Variants in RAB11FIP3 observed in about 807,000 individuals in gnomAD.
RAB11FIP3 encodes RAB11 family interacting protein 3, also known as rab11 family-interacting protein 3.
RAB11FIP3 carries 17 observed loss-of-function variants against 77.8 expected under a neutral mutation model. The observed-to-expected ratio is 0.22, with a 90% CI of 0.15 to 0.33. The LOEUF (loss-of-function observed/expected upper bound fraction) is 0.33. RAB11FIP3 is among the 10% of genes least tolerant of loss of function. RAB11FIP3 has a pLI of 1.00. For synonymous variants in RAB11FIP3, 437 were observed against 448.2 expected, an observed-to-expected ratio of 0.98 and a Z score of 0.31; for missense variants, 1,005 against 1,011.2, an observed-to-expected ratio of 0.99 and a Z score of 0.08.
At chr16:520,428 C>G in intron 12 of RAB11FIP3, 31 bp from the exon 13 acceptor site, 1 of 1,610,408 alleles carries the variant, frequency 6.2e-7, no homozygotes. Flanking sequence ...GCAGGGGCCA[C>G]AGCCCAGTAG....
At position 507,249 on chromosome 16, in the gene RAB11FIP3, C is replaced by T. The variant is rs979957993; in HGVS notation, c.1499+1622C>T. Reference sequence around the variant, plus strand: ...GCCTCAGCCTCCTGAGTAGCTGGGACTTGCAGGCATGCACCACCACGCTGG... The same window carrying T: ...GCCTCAGCCTCCTGAGTAGCTGGGATTTGCAGGCATGCACCACCACGCTGG... On this transcript the variant is annotated intron_variant, in intron 8 of 13. Transcript: ENST00000262305. This position sits in a 1 kb window ranked among gnomAD's most constrained non-coding sequence, Gnocchi z 4.6. Among the ~76,000 whole-genome samples the T allele has an allele frequency of 6.6e-6, 1 of 152,022 alleles. No individual in the cohort carries two copies. The highest frequency in any genetic ancestry group is 3.2e-3 in the Middle Eastern group (1 of 316).
chr16:467,403 G>A (rs1268774546), intron 2 of RAB11FIP3, among the ~76,000 whole-genome samples: 1 of 147,324 alleles, frequency 6.8e-6, no homozygotes, highest in Non-Finnish European at 1.5e-5. Flanking sequence ...CGTCAGGGAG[G>A]AGGTGCAGTA....
intron 6 of RAB11FIP3, among the ~76,000 whole-genome samples, chr16:501,880 G>T (rs1567400480): frequency 6.6e-6 from 1 of 150,840 alleles, no homozygotes; most frequent in African/African-American, 2.4e-5. Context: ...CTGGGAGATG[G>T]TCCCCCCATT....
rs146302859 is a variant in RAB11FIP3, at chr16:519,636, C to T, written c.1723-118C>T. The T allele has an allele frequency of 1.1e-4, 147 of 1,372,430 alleles. 1 individual carries two copies. The African/African-American group carries it at 1.2e-3, about 11-fold the overall frequency. The allele number at this position is 1,372,430 out of a possible 1,614,324, so 85.0% of individuals were successfully genotyped here. A position where few individuals can be genotyped will look rare whatever the true frequency, so the allele number is the denominator to read the frequency against. On this transcript the variant is annotated intron_variant, in intron 10 of 13. Transcript: ENST00000262305. ...ACCCAGCCCTGTCGCGCTCCAAGCACGGGCGCCACCGCGTTGCTGTTGGGA... is the reference window on the plus strand; with the variant it reads ...ACCCAGCCCTGTCGCGCTCCAAGCATGGGCGCCACCGCGTTGCTGTTGGGA...
At chr16:479,482 C>T (rs926053392) in intron 3 of RAB11FIP3, among the ~76,000 whole-genome samples, 2 of 151,584 alleles carry the variant, frequency 1.3e-5, no homozygotes, top group Non-Finnish European at 2.9e-5. Flanking sequence ...ACTTGAGGTG[C>T]GGAGTGGATG....
At position 519,009 on chromosome 16, in the gene RAB11FIP3, T is replaced by G. The variant is rs199606652; in HGVS notation, c.1707T>G (p.Ile569Met). 1 of 1,613,420 alleles carries G rather than the reference T, an allele frequency of 6.2e-7. No individual in the cohort carries two copies. The highest frequency in any genetic ancestry group is 8.5e-7 in the Non-Finnish European group (1 of 1,180,002). ...GCACGCCCTGTCTGAAGGCCAACAT[T>G]GAGCGTCTGGAGGAGGTGAGCTGCC... The part of the protein sequence containing the change: ...RSCTPCLKAN[I>M]ERLEEEKQKL... The change falls in exon 10 of 14, where the codon ATT becomes ATG. Residue 569 changes from isoleucine to methionine, a missense_variant. Ile to Met is a conservative substitution (Grantham distance 10). Transcript: ENST00000262305.
In RAB11FIP3 at chr16:468,955, T is replaced by G. The variant is rs1441994803; in HGVS notation, c.809-2340T>G. 2.0e-5 allele frequency among the ~76,000 whole-genome samples: 3 copies of G among 152,362 alleles called. No individual in the cohort carries two copies. The Middle Eastern group carries it at 0.01, about 518-fold the overall frequency. On this transcript the variant is annotated intron_variant, in intron 2 of 13. Coordinates refer to ENST00000262305, the MANE Select transcript of RAB11FIP3 (RefSeq NM_014700.4). ...TCAGAACCTGAGCTGTCATGCGCTGTGTCCAAAATGCTTCGCTGTATATTG... is the reference window on the plus strand; with the variant it reads ...TCAGAACCTGAGCTGTCATGCGCTGGGTCCAAAATGCTTCGCTGTATATTG...
At chr16:496,917 T>C in intron 6 of RAB11FIP3, 58 bp downstream of exon 6, 2 of 1,455,680 alleles carry the variant, frequency 1.4e-6, no homozygotes, top group South Asian at 1.2e-5. Context: ...TTAATCATAG[T>C]TTTTTAAAAA....
chr16:434,530 G>A (rs1451600785), intron 1 of RAB11FIP3, among the ~76,000 whole-genome samples: 1 of 152,114 alleles, frequency 6.6e-6, no homozygotes, highest in East Asian at 1.9e-4. Flanking sequence ...AGGCTCAGGT[G>A]GTCCTCCCAT....
chr16:477,600 G>T, intron 3 of RAB11FIP3: 1 of 985,386 alleles, frequency 1.0e-6, no homozygotes, highest in Non-Finnish European at 1.2e-6. Flanking sequence ...GGCCAGCCCT[G>T]TCCTGAGTGG....
At chr16:475,693 C>T (rs1327760207) in intron 3 of RAB11FIP3, among the ~76,000 whole-genome samples, 4 of 152,158 alleles carry the variant, frequency 2.6e-5, no homozygotes, top group East Asian at 1.9e-4. Context: ...CTCTGAGTAT[C>T]GATGGCGATG....
intron 1 of RAB11FIP3, among the ~76,000 whole-genome samples, chr16:453,683 T>C (rs1368335782): frequency 6.8e-6 from 1 of 146,428 alleles, no homozygotes; most frequent in Non-Finnish European, 1.5e-5. Context: ...CTCTGCCCCC[T>C]GGGTTCAAGC....
intron 1 of RAB11FIP3, among the ~76,000 whole-genome samples, chr16:448,518 C>A (rs923968146): frequency 1.3e-5 from 2 of 151,758 alleles, no homozygotes; most frequent in African/African-American, 4.8e-5. Context: ...AGGTGGATCA[C>A]GAGGTCAGGA....
In RAB11FIP3 at chr16:520,791, C is replaced by G; in HGVS notation, c.2223C>G (p.Ile741Met). The stretch of plus-strand genomic sequence containing the variant: ...GCCTGCAGGACTACATCGACAGGAT[C>G]ATCGTGGCCATCATGGAGACCAACC... ...NFRLQDYIDRIIVAIMETNPS... is the reference protein window; with the variant it reads ...NFRLQDYIDRMIVAIMETNPS... The change falls in exon 14 of 14, where the codon ATC becomes ATG. Residue 741 changes from isoleucine to methionine, a missense_variant. By Grantham distance (10) the Ile-to-Met change is conservative. This residue lies in a region of RAB11FIP3 where 90 missense variants were observed against 129.7 expected (regional missense o/e 0.69). Transcript: ENST00000262305. 1 of 1,613,784 alleles carries G rather than the reference C, an allele frequency of 6.2e-7. No individual in the cohort carries two copies. The highest frequency in any genetic ancestry group is 8.5e-7 in the Non-Finnish European group (1 of 1,180,016).
intron 8 of RAB11FIP3, among the ~76,000 whole-genome samples, chr16:509,222 T>TC: frequency 6.6e-6 from 1 of 152,392 alleles, no homozygotes; most frequent in East Asian, 1.9e-4. Context: ...AAATTGTCCT[T>TC]CCCACGCTTT....
At chr16:455,507 A>G (rs963603913) in intron 1 of RAB11FIP3, among the ~76,000 whole-genome samples, 3 of 150,712 alleles carry the variant, frequency 2.0e-5, no homozygotes, top group African/African-American at 7.3e-5. Context: ...AACCGCGCAC[A>G]CTCTCACAAG....
intron 1 of RAB11FIP3, among the ~76,000 whole-genome samples, chr16:435,613 A>G (rs2055115181): frequency 6.6e-6 from 1 of 152,182 alleles, no homozygotes; most frequent in Non-Finnish European, 1.5e-5. Context: ...TGTGTAGGAG[A>G]GGGCGTATGG....
At chr16:476,293 G>A (rs970447236) in intron 3 of RAB11FIP3, among the ~76,000 whole-genome samples, 3 of 152,174 alleles carry the variant, frequency 2.0e-5, no homozygotes, top group Admixed American at 6.5e-5. Context: ...TCCTGTGTCC[G>A]TGGAGAATTC....
chr16:495,725 C>T (rs538083869), intron 5 of RAB11FIP3, among the ~76,000 whole-genome samples: 1 of 152,294 alleles, frequency 6.6e-6, no homozygotes, highest in South Asian at 2.1e-4. Context: ...TAATACCTGG[C>T]ACAGCAGCTG....
Sources: allele counts gnomAD v4.1 joint callset (sites outside exome capture counted in the v4.1 genomes callset), GRCh38; gene constraint gnomAD v4.1.1; regional missense constraint gnomAD v4.1.1; non-coding constraint Gnocchi (gnomAD v3.1); transcripts MANE v1.5; gene names NCBI Gene and HGNC (gene_info 2026-07-23, HGNC 2026-07-21).